HEMK1: variants seen among roughly 807,000 people sequenced by gnomAD.
The protein encoded by HEMK1 is MTRF1L release factor glutamine methyltransferase.
HEMK1 carries 36 observed loss-of-function variants against 47.9 expected under a neutral mutation model. The observed-to-expected ratio is 0.75, with a 90% CI of 0.58 to 0.99. The LOEUF is 0.99. Among genes scored for constraint, HEMK1 ranks in the 50% least tolerant of loss-of-function variants. HEMK1 has a pLI of 0.00. For synonymous variants in HEMK1, 153 were observed against 165.4 expected, an observed-to-expected ratio of 0.93 and a Z score of 0.57; for missense variants, 383 against 434.5, an observed-to-expected ratio of 0.88 and a Z score of 1.05.
chr3:50,577,263 C>T (rs1222601444), intron 5 of HEMK1, 77 bp downstream of exon 5: 1 of 1,505,266 alleles, frequency 6.6e-7, no homozygotes, highest in Non-Finnish European at 9.1e-7. Context: ...CCCCACATCC[C>T]TCTGCTAGGA....
At chr3:50,579,512 C>T (rs1481415069) in intron 8 of HEMK1, among the ~76,000 whole-genome samples, 2 of 152,132 alleles carry the variant, frequency 1.3e-5, no homozygotes, top group Non-Finnish European at 2.9e-5. Context: ...CAGGAGTGGT[C>T]AGGGCTAGCC....
intron 7 of HEMK1, among the ~76,000 whole-genome samples, chr3:50,578,214 A>G (rs1401525224): frequency 6.6e-6 from 1 of 152,178 alleles, no homozygotes; most frequent in Non-Finnish European, 1.5e-5. Context: ...AAAATACTTG[A>G]GTGCCCCTTT....
At chr3:50,576,426 G>A (rs77069087) in intron 4 of HEMK1, among the ~76,000 whole-genome samples, 3,813 of 152,320 alleles carry the variant, frequency 0.025, 182 homozygotes, top group African/African-American at 0.087. Flanking sequence ...TTGAGATGGA[G>A]TGTTGCTCTG....
rs1424309847 is a variant in HEMK1, at chr3:50,595,770, G to GA, written c.*15359dup. 2 of 152,114 alleles carry GA rather than the reference G, an allele frequency of 1.3e-5. No individual in the cohort carries two copies. Among genetic ancestry groups the GA allele is most frequent in the Non-Finnish European group, 2.9e-5 (2 of 68,036 alleles). 9.4% of individuals were successfully genotyped at this position (152,114 alleles called of 1,614,324 possible). Reference sequence around the variant, plus strand: ...GCTTGTCTCAGAGTGGTTTCTGCAGGAAAAAACCCAAGATAGAGAGACAAC... The same window carrying GA: ...GCTTGTCTCAGAGTGGTTTCTGCAGGAAAAAAACCCAAGATAGAGAGACAAC... On this transcript the variant is annotated 3_prime_UTR_variant, in exon 11 of 11. Transcript: ENST00000232854.
In HEMK1 at chr3:50,571,140, G is replaced by A. The variant is rs763889582; in HGVS notation, c.36G>A (p.Leu12=). Residue 12 remains leucine, a synonymous_variant, in exon 2 of 11, where the codon CTG becomes CTA. Transcript: ENST00000232854. Reference sequence around the variant, plus strand: ...GGGGCCGAATGCTGTGGGCCCTCCTGTCTGGCCCAGGGAGGAGGGGAAGTA... The same window carrying A: ...GGGGCCGAATGCTGTGGGCCCTCCTATCTGGCCCAGGGAGGAGGGGAAGTA... ...ELWGRMLWAL[L]SGPGRRGSTR... 1.8e-5 allele frequency: 29 copies of A among 1,611,138 alleles called. No homozygotes were observed. The highest frequency in any genetic ancestry group is 1.7e-5 in the Admixed American group (1 of 59,566).
At position 50,590,363 on chromosome 3, in the gene HEMK1, C is replaced by T. The variant is rs1334486288; in HGVS notation, c.*9946C>T. 2 of 151,732 alleles carry T rather than the reference C, an allele frequency of 1.3e-5. No individual in the cohort carries two copies. The highest frequency in any genetic ancestry group is 2.4e-5 in the African/African-American group (1 of 41,244). The allele number at this position is 151,732 out of a possible 1,614,324, so 9.4% of individuals were successfully genotyped here. ...CCGAGCTCAGGAGTTCAAGACCAGC[C>T]TGGCCAACATGGTGAAACCCTGTCT... On this transcript the variant is annotated 3_prime_UTR_variant, in exon 11 of 11. Coordinates refer to ENST00000232854, the MANE Select transcript of HEMK1 (RefSeq NM_016173.5).
At chr3:50,577,254 C>G in intron 5 of HEMK1, 68 bp downstream of exon 5, 1 of 1,530,988 alleles carries the variant, frequency 6.5e-7, no homozygotes, top group Non-Finnish European at 8.9e-7. Context: ...TAGTGCTTCC[C>G]CCACATCCCT....
chr3:50,569,237 GC>G (rs1700607802), upstream of HEMK1: 1 of 152,370 alleles, frequency 6.6e-6, no homozygotes, highest in African/African-American at 2.4e-5. Context: ...TTGGGCTGGA[GC>G]CAAATCCCTG....
intron 1 of HEMK1, chr3:50,570,729 G>A (rs560377999): frequency 1.1e-5 from 2 of 176,348 alleles, no homozygotes; most frequent in African/African-American, 4.7e-5. Context: ...CAGAGACTGA[G>A]CTATGGGCTC....
At chr3:50,580,294 C>G in intron 10 of HEMK1, 65 bp downstream of exon 10, 1 of 1,606,188 alleles carries the variant, frequency 6.2e-7, no homozygotes, top group Non-Finnish European at 8.5e-7. Flanking sequence ...ATCCTCAGCC[C>G]TGGCTGTCAG....
In HEMK1 at chr3:50,571,054, T is replaced by C; in HGVS notation, c.-51T>C. ...GCACTCACCTCAGCAGCTGACATCA[T>C]AAAGCAGACTTGGGAACCTGGAAGC... is the stretch of plus-strand genomic sequence containing the variant. On this transcript the variant is annotated 5_prime_UTR_variant, in exon 2 of 11. Coordinates refer to ENST00000232854, the MANE Select transcript of HEMK1 (RefSeq NM_016173.5). 1 of 1,421,430 alleles carries C rather than the reference T, an allele frequency of 7.0e-7. No homozygotes were observed. Among genetic ancestry groups the C allele is most frequent in the Non-Finnish European group, 9.6e-7 (1 of 1,040,970 alleles). The allele number at this position is 1,421,430 out of a possible 1,614,324, so 88.1% of individuals were successfully genotyped here.
chr3:50,579,637 C>T (rs538820508), intron 8 of HEMK1, among the ~76,000 whole-genome samples: 5 of 152,278 alleles, frequency 3.3e-5, no homozygotes, highest in South Asian at 2.1e-4. Context: ...GCATGCCTGG[C>T]GCTGCCTGGT....
At position 50,595,218 on chromosome 3, in the gene HEMK1, TTAGTCTATCA is replaced by T. The variant is rs780132816; in HGVS notation, c.*14814_*14823del. The T allele has an allele frequency of 6.6e-6, 1 of 152,240 alleles. No individual in the cohort carries two copies. The highest frequency in any genetic ancestry group is 1.5e-5 in the Non-Finnish European group (1 of 68,068). The allele number at this position is 152,240 out of a possible 1,614,324, so 9.4% of individuals were successfully genotyped here. ...CTTATCCGACTTTGAAGCAAACAAG[TTAGTCTATCA>T]TAGTCTATCATATTCTCAAGGATCA... is the stretch of plus-strand genomic sequence containing the variant. On this transcript the variant is annotated 3_prime_UTR_variant, in exon 11 of 11. Transcript: ENST00000232854.
Position 50,572,226 on chromosome 3 carries a change from GC to G in HEMK1, c.414+19del. 6.4e-7 allele frequency: 1 copy of G among 1,560,528 alleles called. No individual in the cohort carries two copies. Among genetic ancestry groups the G allele is most frequent in the Non-Finnish European group, 8.8e-7 (1 of 1,140,910 alleles). On this transcript the variant is annotated intron_variant, in intron 4 of 10. Coordinates refer to ENST00000232854, the MANE Select transcript of HEMK1 (RefSeq NM_016173.5). ...AAACAGAGGTAGGTGTGCCACCAGG[GC>G]AAGGCAGGATCAGGATGATGGTGGA...
At chr3:50,573,652 G>A (rs994301294) in intron 4 of HEMK1, among the ~76,000 whole-genome samples, 4 of 152,228 alleles carry the variant, frequency 2.6e-5, no homozygotes, top group African/African-American at 7.2e-5. Context: ...AGACATTTCT[G>A]AGAACTCACC....
Position 50,581,431 on chromosome 3 carries a change from G to A in HEMK1, c.*1014G>A, listed in dbSNP as rs142404977. 6 of 152,378 alleles carry A rather than the reference G, an allele frequency of 3.9e-5. No homozygotes were observed. The highest frequency in any genetic ancestry group is 2.1e-4 in the South Asian group (1 of 4,828). 9.4% of individuals were successfully genotyped at this position (152,378 alleles called of 1,614,324 possible). A position where few individuals can be genotyped will look rare whatever the true frequency, so the allele number is the denominator to read the frequency against. On this transcript the variant is annotated 3_prime_UTR_variant, in exon 11 of 11. Transcript: ENST00000232854. The stretch of plus-strand genomic sequence containing the variant: ...CCCCTGCCACCCTGGCACTTCCCAG[G>A]GCCTGGCAGTATGGTCTGATGGGCA...
At position 50,588,451 on chromosome 3, in the gene HEMK1, G is replaced by T; in HGVS notation, c.*8034G>T. ...GCCCAGGGCCTCAACCCCCCAGAGG[G>T]GCCTCAGGAGCCAGTTAGGTGCCCC... On this transcript the variant is annotated 3_prime_UTR_variant, in exon 11 of 11. Coordinates refer to ENST00000232854, the MANE Select transcript of HEMK1 (RefSeq NM_016173.5). 6.6e-6 allele frequency: 1 copy of T among 152,368 alleles called. No individual in the cohort carries two copies. Among genetic ancestry groups the T allele is most frequent in the Non-Finnish European group, 1.5e-5 (1 of 68,062 alleles). The allele number at this position is 152,368 out of a possible 1,614,324, so 9.4% of individuals were successfully genotyped here.
rs760522776 is a variant in HEMK1 at position 50,571,139 on chromosome 3, T to C, written c.35T>C (p.Leu12Pro). Residue 12 changes from leucine to proline, a missense_variant, in exon 2 of 11, where the codon CTG becomes CCG. Leu to Pro is a moderately conservative substitution (Grantham distance 98). Coordinates refer to ENST00000232854, the MANE Select transcript of HEMK1 (RefSeq NM_016173.5). ...TGGGGCCGAATGCTGTGGGCCCTCC[T>C]GTCTGGCCCAGGGAGGAGGGGAAGT... is the stretch of plus-strand genomic sequence containing the variant. ...ELWGRMLWAL[L>P]SGPGRRGSTR... is the part of the protein sequence containing the mutation. 1.1e-4 allele frequency: 170 copies of C among 1,610,670 alleles called. 1 individual carries two copies. In the Middle Eastern group the frequency reaches 1.5e-3, roughly 14 times the overall value.
At chr3:50,571,557 G>A (rs772832969) in intron 2 of HEMK1, 153 bp from the exon 3 acceptor site, 6 of 778,988 alleles carry the variant, frequency 7.7e-6, no homozygotes, top group Non-Finnish European at 8.8e-6. Context: ...TGTTAGCTGT[G>A]TAACCTTAGG....
Sources: gnomAD v4.1 joint callset for allele counts (sites outside exome capture counted in the v4.1 genomes callset) on GRCh38, gnomAD v4.1.1 for gene constraint, MANE v1.5 for transcripts, NCBI Gene and HGNC (gene_info 2026-07-23, HGNC 2026-07-21) for gene names.